Variants in GRM8 observed in about 807,000 individuals in gnomAD.
The protein encoded by GRM8 is metabotropic glutamate receptor 8.
In GRM8, 47 loss-of-function variants were observed where a neutral mutation model predicts 87.2. That is an observed-to-expected ratio of 0.54 (90% CI 0.43 to 0.69). GRM8 has a LOEUF of 0.69. GRM8 is among the 30% of genes least tolerant of loss of function. GRM8 has a pLI of 0.00. For synonymous variants in GRM8, 396 were observed against 404.5 expected (o/e 0.98, Z 0.25); for missense variants, 1,019 against 1,139.2 (o/e 0.89, Z 1.52).
chr7:127,032,066 G>A (rs1215564207), intron 3 of GRM8, among the ~76,000 whole-genome samples: 2 of 152,120 alleles, frequency 1.3e-5, no homozygotes, highest in East Asian at 1.9e-4. Context: ...ATGTGAATTG[G>A]TCTTTCTTTT....
chr7:126,796,535 C>T (rs1821970387), intron 6 of GRM8, among the ~76,000 whole-genome samples: 1 of 152,032 alleles, frequency 6.6e-6, no homozygotes, highest in Admixed American at 6.6e-5. Flanking sequence ...CAAACTATTT[C>T]TCACTAATAT....
In GRM8 at chr7:126,762,930, G is replaced by A. The variant is rs527808648; in HGVS notation, c.1357+6935C>T. ...TAAGTCTTCATAAATTTGATAAGGG[G>A]AAAACAGTCTCTCATTGATGAATTG... On this transcript the variant is annotated intron_variant, in intron 7 of 10. Coordinates refer to ENST00000339582, the MANE Select transcript of GRM8 (RefSeq NM_000845.3). Among the ~76,000 whole-genome samples the A allele has an allele frequency of 1.1e-4, 17 of 151,918 alleles. No homozygotes were observed. The South Asian group carries it at 2.7e-3, about 24-fold the overall frequency.
chr7:126,860,072 C>A (rs535071349), intron 6 of GRM8, among the ~76,000 whole-genome samples: 2 of 152,102 alleles, frequency 1.3e-5, no homozygotes, highest in African/African-American at 4.8e-5. Context: ...ACTGTGAGTC[C>A]CATTTTTGCA....
In GRM8 at chr7:126,504,204, C is replaced by G. The variant is rs1015736231; in HGVS notation, c.2430+28748G>C. On this transcript the variant is annotated intron_variant, in intron 9 of 10. Transcript: ENST00000339582. ...ACTCTATTTTCACAGAATCATATGT[C>G]TTTATAATTATCAAATGTTTTATAA... 1.3e-4 allele frequency among the ~76,000 whole-genome samples: 20 copies of G among 151,926 alleles called. No individual in the cohort carries two copies. The East Asian group carries it at 1.6e-3, about 12-fold the overall frequency.
intron 3 of GRM8, among the ~76,000 whole-genome samples, chr7:127,099,435 G>A (rs1174438667): frequency 6.6e-6 from 1 of 152,180 alleles, no homozygotes; most frequent in Non-Finnish European, 1.5e-5. Context: ...TGGGGCAGGT[G>A]AACAGCAGGT....
At chr7:127,172,704 G>C (rs145703846) in intron 2 of GRM8, among the ~76,000 whole-genome samples, 17 of 115,624 alleles carry the variant, frequency 1.5e-4, no homozygotes, top group African/African-American at 6.2e-4. Context: ...GCGAGACTCC[G>C]TCTCAAAAAA....
chr7:126,916,197 G>C (rs1803884269), intron 3 of GRM8, among the ~76,000 whole-genome samples: 1 of 152,070 alleles, frequency 6.6e-6, no homozygotes, highest in East Asian at 1.9e-4. Context: ...ACCTGTTCTG[G>C]ACTTTAAAAC....
At chr7:126,856,041 C>G (rs1450764516) in intron 6 of GRM8, among the ~76,000 whole-genome samples, 2 of 152,132 alleles carry the variant, frequency 1.3e-5, no homozygotes, top group African/African-American at 4.8e-5. Context: ...GATTAAGAAG[C>G]ATGAACTTTC....
chr7:127,007,634 G>A (rs1248475843), intron 3 of GRM8, among the ~76,000 whole-genome samples: 1 of 151,934 alleles, frequency 6.6e-6, no homozygotes, highest in African/African-American at 2.4e-5. Context: ...GAAAGTTCAG[G>A]CCAAGACAAT....
At chr7:127,073,361 A>G (rs946076782) in intron 3 of GRM8, among the ~76,000 whole-genome samples, 1 of 152,184 alleles carries the variant, frequency 6.6e-6, no homozygotes, top group African/African-American at 2.4e-5. Context: ...TCTGCGCCCC[A>G]TCAGTGAAAC....
At chr7:127,101,094 C>G (rs1274839507) in intron 3 of GRM8, among the ~76,000 whole-genome samples, 4 of 152,072 alleles carry the variant, frequency 2.6e-5, no homozygotes, top group African/African-American at 9.7e-5. Flanking sequence ...CCTAGTTGCC[C>G]AGGTATGCAA....
At position 126,685,402 on chromosome 7, in the gene GRM8, T is replaced by TA. The variant is rs1299410454; in HGVS notation, c.1358-75905dup. Among the ~76,000 whole-genome samples the TA allele has an allele frequency of 6.6e-6, 1 of 152,060 alleles. No homozygotes were observed. The highest frequency in any genetic ancestry group is 1.5e-5 in the Non-Finnish European group (1 of 67,978). On this transcript the variant is annotated intron_variant, in intron 7 of 10. Transcript: ENST00000339582. The surrounding 1 kb of genome is among the most constrained non-coding windows in gnomAD (Gnocchi z 4.2). ...AGCGGGAGACCCACCCCCTCTGAGTTAGCTGGGTGGGAGCTCCCTGGGTGC... is the reference window on the plus strand; with the variant it reads ...AGCGGGAGACCCACCCCCTCTGAGTTAAGCTGGGTGGGAGCTCCCTGGGTGC...
intron 9 of GRM8, among the ~76,000 whole-genome samples, chr7:126,458,033 A>G (rs1803455998): frequency 6.6e-6 from 1 of 150,704 alleles, no homozygotes; most frequent in African/African-American, 2.4e-5. Flanking sequence ...AAAAAAAAAA[A>G]TAAAGTGTAT....
chr7:126,539,580 G>A (rs970932429), intron 8 of GRM8, among the ~76,000 whole-genome samples: 2 of 151,870 alleles, frequency 1.3e-5, no homozygotes, highest in African/African-American at 2.4e-5. Context: ...CATAGTACAG[G>A]CATAATAATA....
At chr7:126,871,786 G>GA (rs1361380335) in intron 6 of GRM8, among the ~76,000 whole-genome samples, 1 of 152,084 alleles carries the variant, frequency 6.6e-6, no homozygotes, top group Non-Finnish European at 1.5e-5. Context: ...ACTGTCTTCT[G>GA]AAAACAACTT....
chr7:127,207,106 G>A (rs1301248987), intron 2 of GRM8, among the ~76,000 whole-genome samples: 1 of 152,186 alleles, frequency 6.6e-6, no homozygotes, highest in Non-Finnish European at 1.5e-5. Flanking sequence ...TTAAACACAG[G>A]AGGAAGAGCA....
chr7:126,910,461 A>G (rs1803170055), intron 3 of GRM8, among the ~76,000 whole-genome samples: 1 of 152,188 alleles, frequency 6.6e-6, no homozygotes, highest in Non-Finnish European at 1.5e-5. Context: ...ATAGAGAAAT[A>G]CAAATGAGAC....
chr7:126,674,072 A>G (rs937610773), intron 7 of GRM8, among the ~76,000 whole-genome samples: 3 of 151,958 alleles, frequency 2.0e-5, no homozygotes, highest in African/African-American at 7.3e-5. Flanking sequence ...CTACAATTCA[A>G]TCTCTTCCGA....
chr7:126,508,710 T>A (rs1810872253), intron 9 of GRM8, among the ~76,000 whole-genome samples: 1 of 152,080 alleles, frequency 6.6e-6, no homozygotes, highest in Non-Finnish European at 1.5e-5. Context: ...AGCACAGCCA[T>A]CTAATAAGAG....
Sources: gnomAD v4.1 joint callset for allele counts (sites outside exome capture counted in the v4.1 genomes callset) on GRCh38, gnomAD v4.1.1 for gene constraint, Gnocchi (gnomAD v3.1) non-coding constraint, MANE v1.5 for transcripts, NCBI Gene and HGNC (gene_info 2026-07-23, HGNC 2026-07-21) for gene names.